Variants in GALNT16 observed in about 807,000 individuals in gnomAD.
GALNT16 encodes UDP-GalNAc:polypeptide N-acetylgalactosaminyltransferase-like protein 1.
GALNT16 carries 40 observed loss-of-function variants against 76.1 expected under a neutral mutation model. The observed-to-expected ratio is 0.53, with a 90% CI of 0.41 to 0.68. The LOEUF (loss-of-function observed/expected upper bound fraction) is 0.68. Ranked by LOEUF, GALNT16 falls within the 30% of genes least tolerant of loss-of-function variation. GALNT16 has a pLI of 0.00. For missense variants in GALNT16, 621 were observed against 731.9 expected (o/e 0.85, Z 1.75); for synonymous variants, 276 against 285.2 (o/e 0.97, Z 0.32).
chr14:69,372,291 G>C, the GALNT16 span, among the ~76,000 whole-genome samples: 4 of 152,002 alleles, frequency 2.6e-5, no homozygotes, highest in Non-Finnish European at 2.9e-5. Context: ...ACAGGCTCTT[G>C]GGGCAACATA....
chr14:69,348,061 T>A, intron 14 of GALNT16, 59 bp downstream of exon 14: 1 of 1,561,240 alleles, frequency 6.4e-7, no homozygotes, highest in Non-Finnish European at 8.8e-7. Context: ...TGCCTCAGGG[T>A]GGCAGACCTT....
At chr14:69,267,141 G>C (rs1337013545) in intron 1 of GALNT16, among the ~76,000 whole-genome samples, 1 of 152,216 alleles carries the variant, frequency 6.6e-6, no homozygotes, top group Admixed American at 6.5e-5. Flanking sequence ...CTGGCTGGCA[G>C]TGCCCCTGAG....
chr14:69,351,750 A>G (rs2045639194), intron 14 of GALNT16: 1 of 287,224 alleles, frequency 3.5e-6, no homozygotes, highest in African/African-American at 2.2e-5. Context: ...CAGTCTCTGC[A>G]AAAAATTTAA....
chr14:69,307,969 A>G (rs2044961807), intron 1 of GALNT16, among the ~76,000 whole-genome samples: 2 of 152,108 alleles, frequency 1.3e-5, no homozygotes, highest in Admixed American at 6.6e-5. Context: ...TGGGTTGCCA[A>G]CCATCACACG....
intron 1 of GALNT16, among the ~76,000 whole-genome samples, chr14:69,318,472 T>C (rs144552528): frequency 1.0e-3 from 157 of 152,256 alleles, no homozygotes; most frequent in African/African-American, 3.7e-3. Flanking sequence ...TGGTGGAGCT[T>C]TGTTGAATGA....
intron 1 of GALNT16, among the ~76,000 whole-genome samples, chr14:69,285,283 C>T (rs1027809506): frequency 6.6e-6 from 1 of 152,124 alleles, no homozygotes; most frequent in Non-Finnish European, 1.5e-5. Flanking sequence ...CTCGGCCTCT[C>T]AAAGTGCTGG....
At chr14:69,360,078 C>A (rs2140214578), downstream of GALNT16, among the ~76,000 whole-genome samples, 1 of 151,938 alleles carries the variant, frequency 6.6e-6, no homozygotes, top group Non-Finnish European at 1.5e-5. Context: ...CTTGGCCAGG[C>A]ACAGCGATTC....
At chr14:69,325,205 G>A (rs1012236929) in intron 3 of GALNT16, 132 bp from the exon 4 acceptor site, 1 of 691,526 alleles carries the variant, frequency 1.4e-6, no homozygotes, top group East Asian at 2.5e-5. Flanking sequence ...ACAAGAATAG[G>A]ATTCAGGTAG....
At chr14:69,346,194 A>G (rs527936181) in intron 12 of GALNT16, among the ~76,000 whole-genome samples, 1 of 152,114 alleles carries the variant, frequency 6.6e-6, no homozygotes, top group Non-Finnish European at 1.5e-5. Flanking sequence ...ATGCCCAGCC[A>G]TAAGTCATTT....
intron 1 of GALNT16, among the ~76,000 whole-genome samples, chr14:69,312,208 G>C (rs1411253663): frequency 1.3e-5 from 2 of 152,016 alleles, no homozygotes; most frequent in Admixed American, 1.3e-4. Context: ...CTAGAATCAT[G>C]CCACTGCACT....
At chr14:69,335,938 CAT>C (rs916396599) in intron 9 of GALNT16, among the ~76,000 whole-genome samples, 6 of 152,250 alleles carry the variant, frequency 3.9e-5, no homozygotes, top group African/African-American at 1.4e-4. Context: ...CCTTTTAAAA[CAT>C]AGATTATGTT....
chr14:69,378,066 C>T, the GALNT16 span, among the ~76,000 whole-genome samples: 1 of 152,146 alleles, frequency 6.6e-6, no homozygotes, highest in East Asian at 1.9e-4. Context: ...TCCCTTAAGT[C>T]CCTCTCTTGC....
intron 1 of GALNT16, among the ~76,000 whole-genome samples, chr14:69,310,011 A>G (rs1159909649): frequency 6.6e-6 from 1 of 152,166 alleles, no homozygotes; most frequent in Non-Finnish European, 1.5e-5. Context: ...TTTTCCTAAC[A>G]TCATTCACTG....
intron 14 of GALNT16, chr14:69,351,590 A>C (rs890085020): frequency 6.5e-6 from 1 of 154,246 alleles, no homozygotes; most frequent in Admixed American, 6.4e-5. Flanking sequence ...GCAGCCTCTT[A>C]CATAGGAACA....
intron 9 of GALNT16, among the ~76,000 whole-genome samples, chr14:69,338,107 C>A (rs2045435833): frequency 6.6e-6 from 1 of 152,146 alleles, no homozygotes; most frequent in South Asian, 2.1e-4. Flanking sequence ...TCAGCTCCAC[C>A]ACCGCTGTCA....
intron 1 of GALNT16, among the ~76,000 whole-genome samples, chr14:69,308,655 C>G (rs763593749): frequency 6.6e-6 from 1 of 152,100 alleles, no homozygotes; most frequent in African/African-American, 2.4e-5. Flanking sequence ...GGGCTAATGC[C>G]TAGAAATATA....
intron 9 of GALNT16, among the ~76,000 whole-genome samples, chr14:69,338,394 C>G (rs1009704761): frequency 2.0e-5 from 3 of 152,214 alleles, no homozygotes; most frequent in Non-Finnish European, 2.9e-5. Flanking sequence ...TTCCTTCAAG[C>G]TTTTTCCACT....
At chr14:69,363,984 G>A in the GALNT16 span, among the ~76,000 whole-genome samples, 8 of 152,082 alleles carry the variant, frequency 5.3e-5, no homozygotes, top group African/African-American at 1.9e-4. Flanking sequence ...GTACTTCCCC[G>A]CTTTTACCTT....
intron 1 of GALNT16, among the ~76,000 whole-genome samples, chr14:69,284,502 CG>C (rs903831171): frequency 5.3e-5 from 8 of 152,170 alleles, no homozygotes; most frequent in Non-Finnish European, 1.0e-4. Context: ...ATAATGCTCC[CG>C]GGTGGAAAAC....
Sources: allele counts gnomAD v4.1 joint callset (sites outside exome capture counted in the v4.1 genomes callset), GRCh38; gene constraint gnomAD v4.1.1; transcripts MANE v1.5; gene names NCBI Gene and HGNC (gene_info 2026-07-23, HGNC 2026-07-21).